BMPR2: variants seen among roughly 807,000 people sequenced by gnomAD.
The protein encoded by BMPR2 is bone morphogenetic protein receptor type 2.
A neutral mutation model predicts 100.8 loss-of-function variants in BMPR2; 29 were observed. The ratio of observed to expected loss-of-function variants is 0.29; its 90% CI spans 0.21 to 0.39. The LOEUF (loss-of-function observed/expected upper bound fraction) is 0.39. BMPR2 is among the 10% of genes least tolerant of loss of function. The pLI is 1.00. For missense variants in BMPR2, 1,011 were observed against 1,274.5 expected, an observed-to-expected ratio of 0.79 and a Z score of 3.15; for synonymous variants, 382 against 442.3, an observed-to-expected ratio of 0.86 and a Z score of 1.71.
At chr2:202,386,742 G>A (rs1435410471) in intron 1 of BMPR2, among the ~76,000 whole-genome samples, 2 of 151,228 alleles carry the variant, frequency 1.3e-5, no homozygotes, top group Admixed American at 6.6e-5. Context: ...GTACAGTGGC[G>A]CGATCTCGGC....
chr2:202,480,439 T>A (rs1245291613), intron 3 of BMPR2, among the ~76,000 whole-genome samples: 1 of 152,132 alleles, frequency 6.6e-6, no homozygotes, highest in African/African-American at 2.4e-5. Flanking sequence ...TGAAACCATT[T>A]TCTAATACAC....
At chr2:202,404,785 C>G (rs1188949980) in intron 1 of BMPR2, among the ~76,000 whole-genome samples, 1 of 152,108 alleles carries the variant, frequency 6.6e-6, no homozygotes, top group African/African-American at 2.4e-5. Flanking sequence ...GCCCTCTTCC[C>G]TCCCTGCTTT....
chr2:202,543,119 A>G (rs1447607629), intron 10 of BMPR2, among the ~76,000 whole-genome samples: 3 of 148,236 alleles, frequency 2.0e-5, no homozygotes, highest in Non-Finnish European at 4.5e-5. Flanking sequence ...AGAGATTGCA[A>G]TGAGCCGAGA....
At chr2:202,420,566 T>G (rs1047377955) in intron 1 of BMPR2, among the ~76,000 whole-genome samples, 3 of 88,536 alleles carry the variant, frequency 3.4e-5, no homozygotes, top group Admixed American at 1.4e-4. Flanking sequence ...TTTTTTTTTT[T>G]GAGACAGAGT....
At chr2:202,436,552 A>G (rs779501671) in intron 1 of BMPR2, among the ~76,000 whole-genome samples, 3 of 150,974 alleles carry the variant, frequency 2.0e-5, no homozygotes, top group Middle Eastern at 6.8e-3. Context: ...ATTTGCTTCT[A>G]AGCTTTTTAA....
At position 202,473,522 on chromosome 2, in the gene BMPR2, G is replaced by T. The variant is rs12477602; in HGVS notation, c.418+5833G>T. 9.9e-4 allele frequency among the ~76,000 whole-genome samples: 151 copies of T among 152,178 alleles called. 6 individuals are homozygous for T. In the South Asian group the frequency reaches 0.031, roughly 31 times the overall value. On this transcript the variant is annotated intron_variant, in intron 3 of 12. Coordinates refer to ENST00000374580, the MANE Select transcript of BMPR2 (RefSeq NM_001204.7). ...TTACAAAAAACTGGCCAGGCGCGGTGGCTTACGCCACTAATCTCAGCAGTT... is the reference window on the plus strand; with the variant it reads ...TTACAAAAAACTGGCCAGGCGCGGTTGCTTACGCCACTAATCTCAGCAGTT...
intron 7 of BMPR2, 99 bp downstream of exon 7, chr2:202,520,300 A>T (rs1268614711): frequency 1.2e-6 from 1 of 831,898 alleles, no homozygotes; most frequent in East Asian, 2.7e-5. Flanking sequence ...AATTTATATT[A>T]TTGGAGATTT....
chr2:202,460,816 AC>A (rs1692211316), intron 1 of BMPR2, among the ~76,000 whole-genome samples: 1 of 145,530 alleles, frequency 6.9e-6, no homozygotes, highest in Non-Finnish European at 1.5e-5. Flanking sequence ...AAAAGACCAA[AC>A]TTTTTTTTTT....
At chr2:202,399,975 A>G (rs757603609) in intron 1 of BMPR2, among the ~76,000 whole-genome samples, 1 of 152,100 alleles carries the variant, frequency 6.6e-6, no homozygotes, top group Non-Finnish European at 1.5e-5. Flanking sequence ...GCAGGGTGTG[A>G]TGGCACTCAC....
intron 1 of BMPR2, among the ~76,000 whole-genome samples, chr2:202,441,576 G>A (rs1201885407): frequency 1.4e-5 from 2 of 148,130 alleles, no homozygotes; most frequent in African/African-American, 5.2e-5. Flanking sequence ...AAATTAGCCG[G>A]GCGTGGTGGC....
Position 202,407,908 on chromosome 2 carries a change from A to G in BMPR2, c.76+30358A>G, listed in dbSNP as rs1003709067. Among the ~76,000 whole-genome samples the G allele has an allele frequency of 2.0e-5, 3 of 148,946 alleles. No individual in the cohort carries two copies. In the East Asian group the frequency reaches 6.0e-4, roughly 30 times the overall value. ...AAGTGCAGTGGCGTGATCTCGGCTCACTGCAAGCTCCGCCTCCCAGGTTCA... is the reference window on the plus strand; with the variant it reads ...AAGTGCAGTGGCGTGATCTCGGCTCGCTGCAAGCTCCGCCTCCCAGGTTCA... On this transcript the variant is annotated intron_variant, in intron 1 of 12. Coordinates refer to ENST00000374580, the MANE Select transcript of BMPR2 (RefSeq NM_001204.7).
At chr2:202,449,176 C>T (rs1038695574) in intron 1 of BMPR2, among the ~76,000 whole-genome samples, 4 of 151,734 alleles carry the variant, frequency 2.6e-5, no homozygotes, top group Non-Finnish European at 4.4e-5. Flanking sequence ...GGCATGGTGG[C>T]ACATGCCTGT....
Position 202,514,965 on chromosome 2 carries a change from C to A in BMPR2, c.607C>A (p.Leu203Met). The change falls in exon 5 of 13, where the codon CTG becomes ATG. Residue 203 changes from leucine to methionine, a missense_variant. By Grantham distance (15) the Leu-to-Met change is conservative. Coordinates refer to ENST00000374580, the MANE Select transcript of BMPR2 (RefSeq NM_001204.7). ...CGAACCCTCTCTTGATCTAGATAATCTGAAACTGTTGGAGGTAAGTTTGCC... is the reference window on the plus strand; with the variant it reads ...CGAACCCTCTCTTGATCTAGATAATATGAAACTGTTGGAGGTAAGTTTGCC... ...ASEPSLDLDN[L>M]KLLELIGRGR... 1 of 1,614,100 alleles carries A rather than the reference C, an allele frequency of 6.2e-7. No homozygotes were observed. The highest frequency in any genetic ancestry group is 1.3e-5 in the African/African-American group (1 of 75,032).
chr2:202,472,835 T>C (rs1251821400), intron 3 of BMPR2, among the ~76,000 whole-genome samples: 1 of 152,134 alleles, frequency 6.6e-6, no homozygotes, highest in African/African-American at 2.4e-5. Context: ...AAAGGGAAAG[T>C]GTTTTAAGTA....
intron 1 of BMPR2, among the ~76,000 whole-genome samples, chr2:202,393,885 GAGAGAGAGAGAGAGAGAGA>G (rs1690603922): frequency 3.5e-5 from 1 of 28,192 alleles, no homozygotes; most frequent in Non-Finnish European, 7.8e-5. Context: ...GAGAGAGCGA[GAGAGAGAGAGAGAGAGAGA>G]GAGAGAGAGA....
chr2:202,396,236 A>AGCT (rs1194474455), intron 1 of BMPR2, among the ~76,000 whole-genome samples: 4 of 152,204 alleles, frequency 2.6e-5, no homozygotes, highest in African/African-American at 9.7e-5. Context: ...TATTCCACTG[A>AGCT]GCTGCTGGAT....
At chr2:202,433,020 G>C (rs576284127) in intron 1 of BMPR2, among the ~76,000 whole-genome samples, 2 of 150,380 alleles carry the variant, frequency 1.3e-5, no homozygotes, top group South Asian at 4.1e-4. Context: ...TGCCTTGCCA[G>C]ATCTAGCCGT....
intron 9 of BMPR2, among the ~76,000 whole-genome samples, chr2:202,536,267 C>T (rs1363626213): frequency 6.6e-6 from 1 of 152,018 alleles, no homozygotes; most frequent in African/African-American, 2.4e-5. Flanking sequence ...CATGCACCAC[C>T]AAGCCTGGTT....
rs972370833 is a variant in BMPR2 at position 202,565,010 on chromosome 2, A to G, written c.*5064A>G. The G allele has an allele frequency of 1.3e-5, 2 of 152,102 alleles. No individual in the cohort carries two copies. Among genetic ancestry groups the G allele is most frequent in the African/African-American group, 2.4e-5 (1 of 41,392 alleles). 9.4% of individuals were successfully genotyped at this position (152,102 alleles called of 1,614,324 possible). ...GTTGCAGTGAGCCGAGATCGCGCCA[A>G]TGCACTCCAGCCTGGGCTACAGAGT... is the stretch of plus-strand genomic sequence containing the variant. On this transcript the variant is annotated 3_prime_UTR_variant, in exon 13 of 13. Coordinates refer to ENST00000374580, the MANE Select transcript of BMPR2 (RefSeq NM_001204.7).
Sources: gnomAD v4.1 joint callset for allele counts (sites outside exome capture counted in the v4.1 genomes callset) on GRCh38, gnomAD v4.1.1 for gene constraint, MANE v1.5 for transcripts, NCBI Gene and HGNC (gene_info 2026-07-23, HGNC 2026-07-21) for gene names.